LPP: variants seen among roughly 807,000 people sequenced by gnomAD.
The protein encoded by LPP is lipoma-preferred partner.
Under a neutral mutation model 60.4 loss-of-function variants are expected in LPP, and 38 were observed. The ratio of observed to expected loss-of-function variants is 0.63; its 90% CI spans 0.49 to 0.83. The LOEUF is 0.83. Among genes scored for constraint, LPP ranks in the 40% least tolerant of loss-of-function variants. The pLI, the probability that LPP is intolerant of heterozygous loss-of-function variation, is 0.00. For missense variants in LPP, 902 were observed against 783.6 expected (o/e 1.15, Z -1.80); for synonymous variants, 328 against 290.8 (o/e 1.13, Z -1.30).
chr3:188,800,278 C>T (rs1387090075), intron 9 of LPP, among the ~76,000 whole-genome samples: 2 of 131,992 alleles, frequency 1.5e-5, no homozygotes, highest in Non-Finnish European at 3.1e-5. Flanking sequence ...TGGAGTCTCG[C>T]TCTGTCGCTC....
chr3:188,792,103 G>T (rs762493337), intron 9 of LPP, among the ~76,000 whole-genome samples: 3 of 152,018 alleles, frequency 2.0e-5, no homozygotes, highest in Non-Finnish European at 2.9e-5. Flanking sequence ...CCATCCTCCT[G>T]GTTCTGTTCT....
intron 9 of LPP, among the ~76,000 whole-genome samples, chr3:188,780,211 A>C (rs1739203358): frequency 6.6e-6 from 1 of 152,230 alleles, no homozygotes; most frequent in South Asian, 2.1e-4. Context: ...AACTATATAC[A>C]AATAATCAGT....
At chr3:188,408,124 A>G (rs1394470402) in intron 4 of LPP, among the ~76,000 whole-genome samples, 1 of 152,042 alleles carries the variant, frequency 6.6e-6, no homozygotes. Flanking sequence ...TTGTCAGCTT[A>G]CTAGGGGCAT....
At chr3:188,632,797 G>A (rs531115359) in intron 7 of LPP, among the ~76,000 whole-genome samples, 4 of 152,204 alleles carry the variant, frequency 2.6e-5, no homozygotes, top group South Asian at 2.1e-4. Context: ...CTTCTGTAGC[G>A]CCCCTTTTGT....
At chr3:188,211,444 C>T (rs1481600356) in intron 1 of LPP, among the ~76,000 whole-genome samples, 3 of 152,124 alleles carry the variant, frequency 2.0e-5, no homozygotes, top group African/African-American at 2.4e-5. Context: ...ACAGAACCAC[C>T]GGGAAGCCAA....
intron 3 of LPP, among the ~76,000 whole-genome samples, chr3:188,343,383 A>C (rs1489289982): frequency 6.6e-6 from 1 of 152,242 alleles, no homozygotes; most frequent in Non-Finnish European, 1.5e-5. Flanking sequence ...TCTAGTCCAC[A>C]AAATAACCCT....
intron 6 of LPP, among the ~76,000 whole-genome samples, chr3:188,570,168 A>G (rs577553148): frequency 5.3e-5 from 8 of 152,060 alleles, no homozygotes; most frequent in Non-Finnish European, 7.4e-5. Flanking sequence ...TAAAAGTGAC[A>G]GGCCTTGTGG....
At chr3:188,711,238 CT>C (rs1412990985) in intron 8 of LPP, 1 of 152,122 alleles carries the variant, frequency 6.6e-6, no homozygotes, top group Non-Finnish European at 1.5e-5. Context: ...AAATGGCTAA[CT>C]TTTATTGAGT....
chr3:188,491,179 A>C (rs1808270556), intron 5 of LPP, among the ~76,000 whole-genome samples: 1 of 152,198 alleles, frequency 6.6e-6, no homozygotes, highest in Non-Finnish European at 1.5e-5. Flanking sequence ...ACATTCATTC[A>C]TGAACTCACA....
At chr3:188,751,653 A>G (rs1728104513) in intron 8 of LPP, among the ~76,000 whole-genome samples, 1 of 152,166 alleles carries the variant, frequency 6.6e-6, no homozygotes, top group Admixed American at 6.5e-5. Context: ...AGACTGCCTA[A>G]GCCCCAATTC....
chr3:188,201,285 A>T (rs1057011118), intron 1 of LPP, among the ~76,000 whole-genome samples: 12 of 152,330 alleles, frequency 7.9e-5, no homozygotes, highest in African/African-American at 2.9e-4. Flanking sequence ...AATGCCCTAC[A>T]CAGCAGGCTC....
intron 6 of LPP, among the ~76,000 whole-genome samples, chr3:188,539,248 C>G (rs1013408356): frequency 6.6e-6 from 1 of 152,110 alleles, no homozygotes; most frequent in East Asian, 1.9e-4. Context: ...GGAGTGGCCT[C>G]CACTCTGAAT....
intron 5 of LPP, among the ~76,000 whole-genome samples, chr3:188,512,588 TAAATA>T (rs1200470981): frequency 4.6e-5 from 7 of 151,412 alleles, no homozygotes; most frequent in African/African-American, 1.5e-4. Context: ...AATAAATAAA[TAAATA>T]AAGTTCCCAC....
At chr3:188,439,931 G>C (rs900526657) in intron 4 of LPP, among the ~76,000 whole-genome samples, 11 of 152,170 alleles carry the variant, frequency 7.2e-5, no homozygotes, top group African/African-American at 2.7e-4. Flanking sequence ...ACTTAATTCT[G>C]TAATTTGTTT....
chr3:188,661,959 A>C (rs901034471), intron 7 of LPP, among the ~76,000 whole-genome samples: 8 of 152,236 alleles, frequency 5.3e-5, no homozygotes, highest in Non-Finnish European at 7.3e-5. Context: ...TCTTAAGTCA[A>C]GCTTTTGACT....
chr3:188,413,283 A>G (rs932469790), intron 4 of LPP, among the ~76,000 whole-genome samples: 1 of 152,134 alleles, frequency 6.6e-6, no homozygotes, highest in African/African-American at 2.4e-5. Context: ...CCTTTTCCCC[A>G]TGCAAAGAGA....
chr3:188,715,078 T>A (rs940765702), intron 8 of LPP, among the ~76,000 whole-genome samples: 1 of 152,012 alleles, frequency 6.6e-6, no homozygotes, highest in African/African-American at 2.4e-5. Context: ...GGCTCTCAGT[T>A]CTAGTGATAG....
chr3:188,885,261 C>T lies in LPP; in HGVS notation c.*10782C>T. On this transcript the variant is annotated 3_prime_UTR_variant, in exon 12 of 12. Coordinates refer to ENST00000617246, the MANE Select transcript of LPP (RefSeq NM_001375462.1). ...AAATCTAAGAATCCTTTAAAATAAT[C>T]ACACCTGATAAGTGTTTTATGCATT... is the stretch of plus-strand genomic sequence containing the variant. The T allele has an allele frequency of 5.0e-6, 1 of 200,670 alleles. No individual in the cohort carries two copies. Among genetic ancestry groups the T allele is most frequent in the Non-Finnish European group, 1.0e-5 (1 of 97,322 alleles). The allele number at this position is 200,670 out of a possible 1,614,324, so 12.4% of individuals were successfully genotyped here.
intron 2 of LPP, among the ~76,000 whole-genome samples, chr3:188,250,046 G>C (rs1047298748): frequency 6.6e-6 from 1 of 151,846 alleles, no homozygotes; most frequent in African/African-American, 2.4e-5. Flanking sequence ...CTGTACATTT[G>C]ACACTGATTC....
Sources: allele counts gnomAD v4.1 joint callset (sites outside exome capture counted in the v4.1 genomes callset), GRCh38; gene constraint gnomAD v4.1.1; transcripts MANE v1.5; gene names NCBI Gene and HGNC (gene_info 2026-07-23, HGNC 2026-07-21).